The following SPRY3 variants were observed in gnomAD, a reference collection of about 807,000 sequenced individuals.
SPRY3 encodes the protein protein sprouty homolog 3.
SPRY3 carries 15 observed loss-of-function variants against 20.2 expected under a neutral mutation model. The observed-to-expected ratio is 0.74, with a 90% CI of 0.50 to 1.14. SPRY3 has a LOEUF of 1.14. Among genes scored for constraint, SPRY3 ranks in the 50% most tolerant of loss-of-function variants. SPRY3 has a pLI of 0.00. For missense variants in SPRY3, 364 were observed against 363.9 expected, an observed-to-expected ratio of 1.00 and a Z score of 0.00; for synonymous variants, 143 against 136.5, an observed-to-expected ratio of 1.05 and a Z score of -0.33.
chrX:155,613,334 A>C (rs2067837894), intron 1 of SPRY3, among the ~76,000 whole-genome samples: 1 of 111,670 alleles, frequency 9.0e-6, no homozygotes, highest in African/African-American at 3.3e-5. Flanking sequence ...CCCAGGGTCC[A>C]GATACAGTGC....
At chrX:155,626,786 GT>G (rs1421264269) in intron 1 of SPRY3, among the ~76,000 whole-genome samples, 1 of 111,179 alleles carries the variant, frequency 9.0e-6, no homozygotes, top group Non-Finnish European at 1.9e-5. Context: ...TCAGTGTCCT[GT>G]TTTTTTAGCC....
At chrX:155,736,875 A>AT (rs903242492) in intron 2 of SPRY3, among the ~76,000 whole-genome samples, 1 of 151,668 alleles carries the variant, frequency 6.6e-6, no homozygotes, top group African/African-American at 2.4e-5. Context: ...TGAATATTCT[A>AT]TTTTTTCACT....
At chrX:155,771,330 G>C (rs1375803234) in intron 3 of SPRY3, among the ~76,000 whole-genome samples, 4 of 152,032 alleles carry the variant, frequency 2.6e-5, no homozygotes, top group South Asian at 2.1e-4. Flanking sequence ...TCAACCTTCT[G>C]GGCATGTCCC....
intron 2 of SPRY3, among the ~76,000 whole-genome samples, chrX:155,714,145 T>C (rs2091005656): frequency 6.6e-6 from 1 of 152,214 alleles, no homozygotes; most frequent in Non-Finnish European, 1.5e-5. Flanking sequence ...AAACAGCTAT[T>C]TTGAATTCTC....
chrX:155,650,781 C>T (rs1467174202), intron 1 of SPRY3, among the ~76,000 whole-genome samples: 1 of 111,663 alleles, frequency 9.0e-6, no homozygotes, highest in Non-Finnish European at 1.9e-5. Flanking sequence ...CAAATTCTTG[C>T]TGGAAAGTTC....
At chrX:155,711,721 T>C (rs1307372738) in intron 2 of SPRY3, among the ~76,000 whole-genome samples, 1 of 151,230 alleles carries the variant, frequency 6.6e-6, no homozygotes, top group Non-Finnish European at 1.5e-5. Flanking sequence ...TACTTTATTA[T>C]TTCTTTTTAT....
intron 2 of SPRY3, among the ~76,000 whole-genome samples, chrX:155,734,937 A>G (rs758169590): frequency 1.1e-4 from 16 of 151,906 alleles, no homozygotes; most frequent in African/African-American, 3.9e-4. Flanking sequence ...TCCTCAGGTA[A>G]AAGTTTATAT....
At chrX:155,672,416 A>T (rs2068043800) in intron 2 of SPRY3, among the ~76,000 whole-genome samples, 1 of 111,357 alleles carries the variant, frequency 9.0e-6, no homozygotes, top group South Asian at 3.8e-4. Context: ...ATATGAACAG[A>T]CATTTCTCAA....
chrX:155,730,357 C>T (rs2091125108), intron 2 of SPRY3, among the ~76,000 whole-genome samples: 1 of 152,064 alleles, frequency 6.6e-6, no homozygotes, highest in Admixed American at 6.6e-5. Context: ...TGGGATTTAT[C>T]CCAGGGATGC....
At chrX:155,745,466 C>A (rs1333060910) in intron 2 of SPRY3, among the ~76,000 whole-genome samples, 2 of 152,066 alleles carry the variant, frequency 1.3e-5, no homozygotes, top group Non-Finnish European at 2.9e-5. Context: ...GAGACAAAAT[C>A]TTGTGTTGAG....
intron 2 of SPRY3, among the ~76,000 whole-genome samples, chrX:155,767,319 C>T (rs2091338655): frequency 6.6e-6 from 1 of 152,036 alleles, no homozygotes; most frequent in Non-Finnish European, 1.5e-5. Context: ...CTCCAGAAAT[C>T]ATCTACATTC....
intron 2 of SPRY3, among the ~76,000 whole-genome samples, chrX:155,699,693 G>C (rs1401145342): frequency 1.8e-5 from 2 of 111,117 alleles, no homozygotes; most frequent in Non-Finnish European, 3.8e-5. Flanking sequence ...AAGGGAACAG[G>C]AGGAAAGCTT....
At chrX:155,733,321 A>G (rs1187206528) in intron 2 of SPRY3, among the ~76,000 whole-genome samples, 2 of 150,374 alleles carry the variant, frequency 1.3e-5, no homozygotes, top group Non-Finnish European at 3.0e-5. Context: ...GGGTATGTAT[A>G]TATATACACA....
chrX:155,773,734 C>T (rs2091399028), intron 3 of SPRY3, 32 bp from the exon 3 acceptor site: 3 of 1,006,110 alleles, frequency 3.0e-6, no homozygotes, highest in Non-Finnish European at 4.5e-6. Context: ...CCTGTGTGTT[C>T]TCATTTACTG....
At chrX:155,740,692 A>T (rs1334269364) in intron 2 of SPRY3, among the ~76,000 whole-genome samples, 1 of 152,120 alleles carries the variant, frequency 6.6e-6, no homozygotes, top group Non-Finnish European at 1.5e-5. Flanking sequence ...AGACAATAAT[A>T]CGTGCACAGC....
At chrX:155,666,650 A>G (rs2068025476) in intron 2 of SPRY3, among the ~76,000 whole-genome samples, 2 of 111,765 alleles carry the variant, frequency 1.8e-5, no homozygotes, top group Non-Finnish European at 3.8e-5. Context: ...AATGGTAACA[A>G]CGGAGGTAAA....
intron 2 of SPRY3, among the ~76,000 whole-genome samples, chrX:155,756,659 A>T (rs1879031426): frequency 6.6e-6 from 1 of 152,166 alleles, no homozygotes; most frequent in South Asian, 2.1e-4. Flanking sequence ...AACAGAATGC[A>T]TGTGGAGGAG....
chrX:155,680,231 G>T (rs1205582530), intron 2 of SPRY3, among the ~76,000 whole-genome samples: 1 of 99,344 alleles, frequency 1.0e-5, no homozygotes, highest in Non-Finnish European at 2.0e-5. Flanking sequence ...GAGAAGAGAA[G>T]AAGTCAAATT....
chrX:155,731,319 C>T (rs1461723296), intron 2 of SPRY3, among the ~76,000 whole-genome samples: 3 of 151,888 alleles, frequency 2.0e-5, no homozygotes, highest in Non-Finnish European at 4.4e-5. Context: ...GATACGTAAA[C>T]CAAAGGAACA....
Sources: allele counts gnomAD v4.1 joint callset (sites outside exome capture counted in the v4.1 genomes callset), GRCh38; gene constraint gnomAD v4.1.1; transcripts MANE v1.5; gene names NCBI Gene and HGNC (gene_info 2026-07-23, HGNC 2026-07-21).